The following PCNX2 variants were observed in gnomAD, a reference collection of about 807,000 sequenced individuals.
PCNX2 encodes the protein pecanex 2, also known as pecanex-like protein 2.
In PCNX2, 168 loss-of-function variants were observed where a neutral mutation model predicts 223.8. The observed-to-expected ratio is 0.75, with a 90% CI of 0.66 to 0.85. The LOEUF (loss-of-function observed/expected upper bound fraction) is 0.85. PCNX2 is among the 40% of genes least tolerant of loss of function. The probability of loss-of-function intolerance (pLI) is 0.00; values close to 1 mark genes in which losing one functional copy is unlikely to be tolerated. For missense variants in PCNX2, 2,507 were observed against 2,675.5 expected (o/e 0.94, Z 1.39); for synonymous variants, 1,006 against 1,052.6 (o/e 0.96, Z 0.86).
chr1:233,203,370 G>A (rs919726516), intron 13 of PCNX2, among the ~76,000 whole-genome samples: 4 of 152,206 alleles, frequency 2.6e-5, no homozygotes, highest in Non-Finnish European at 5.9e-5. Context: ...GTCTCAGACT[G>A]AGCACAGGAA....
intron 5 of PCNX2, among the ~76,000 whole-genome samples, chr1:233,256,177 TGAAAAAATTAAGAAGA>T (rs1659723598): frequency 6.6e-6 from 1 of 152,070 alleles, no homozygotes; most frequent in Non-Finnish European, 1.5e-5. Context: ...TGTGGCTGGC[TGAAAAAATTAAGAAGA>T]GCAAAAACTC....
At chr1:233,064,399 C>A (rs533789139) in intron 23 of PCNX2, among the ~76,000 whole-genome samples, 6 of 152,294 alleles carry the variant, frequency 3.9e-5, no homozygotes, top group African/African-American at 1.4e-4. Context: ...GACTTGTCCC[C>A]ACTCTTCCCT....
chr1:233,136,003 G>A (rs1424483394), intron 20 of PCNX2, among the ~76,000 whole-genome samples: 1 of 152,208 alleles, frequency 6.6e-6, no homozygotes, highest in Non-Finnish European at 1.5e-5. Context: ...GGGAGTATGT[G>A]TCATGTGTAC....
chr1:233,218,546 A>T (rs550960548), intron 10 of PCNX2, among the ~76,000 whole-genome samples: 2 of 152,106 alleles, frequency 1.3e-5, no homozygotes, highest in East Asian at 3.9e-4. Context: ...CACCGTGCCC[A>T]GCCAGTTTTG....
chr1:233,089,445 A>G (rs1673761319), intron 23 of PCNX2, among the ~76,000 whole-genome samples: 1 of 152,176 alleles, frequency 6.6e-6, no homozygotes, highest in Non-Finnish European at 1.5e-5. Flanking sequence ...CTTTACGGTT[A>G]TTTGGTGAAC....
At chr1:232,986,775 G>A (rs976239095) in intron 32 of PCNX2, among the ~76,000 whole-genome samples, 2 of 152,154 alleles carry the variant, frequency 1.3e-5, no homozygotes, top group Non-Finnish European at 2.9e-5. Flanking sequence ...TGGGGGCTGG[G>A]GTTGGGGGTA....
intron 28 of PCNX2, among the ~76,000 whole-genome samples, chr1:233,007,657 C>A (rs1327215986): frequency 6.6e-6 from 1 of 152,216 alleles, no homozygotes; most frequent in Non-Finnish European, 1.5e-5. Flanking sequence ...CGCACCTCAG[C>A]CTCCCGAGTA....
chr1:233,003,794 T>C lies in PCNX2; in HGVS notation c.4953-2113A>G, dbSNP rs565516146. ...TAGACTGGATAAAGAAAATGTGGCA[T>C]ATATACACCATGGAATACTATGAAG... On this transcript the variant is annotated intron_variant, in intron 28 of 33. Transcript: ENST00000258229. Among the ~76,000 whole-genome samples, 4 of 152,212 alleles carry C rather than the reference T, an allele frequency of 2.6e-5. No individual in the cohort carries two copies. The South Asian group carries it at 8.3e-4, about 32-fold the overall frequency.
chr1:233,146,214 G>A (rs541658439), intron 19 of PCNX2, among the ~76,000 whole-genome samples: 8 of 152,118 alleles, frequency 5.3e-5, no homozygotes, highest in Admixed American at 3.3e-4. Context: ...ACTTAAATAC[G>A]AATCTTCCCA....
At chr1:233,182,621 C>T (rs2102864881) in intron 15 of PCNX2, among the ~76,000 whole-genome samples, 1 of 152,286 alleles carries the variant, frequency 6.6e-6, no homozygotes, top group East Asian at 1.9e-4. Context: ...AGCATCCTTC[C>T]TCACATTTAG....
chr1:232,986,491 G>C lies in PCNX2; in HGVS notation c.5841C>G (p.Ser1947Arg). The C allele has an allele frequency of 1.9e-6, 3 of 1,586,152 alleles. No individual in the cohort carries two copies. Among genetic ancestry groups the C allele is most frequent in the Non-Finnish European group, 2.6e-6 (3 of 1,164,378 alleles). Residue 1947 changes from serine to arginine, a missense_variant, in exon 33 of 34, where the codon AGC becomes AGG. By Grantham distance (110) the Ser-to-Arg change is moderately radical. This residue lies in a region of PCNX2 where 1,372 missense variants were observed against 1,509.4 expected (regional missense o/e 0.91). Coordinates refer to ENST00000258229, the MANE Select transcript of PCNX2 (RefSeq NM_014801.4). ...SQSVQAHSAL[S>R]QRPPMLSSSG... ...ATGAGCTCAGCATGGGCGGCCTTTG[G>C]CTTAGCGCTGAGTGTGCCTGCACGG...
chr1:233,317,698 A>G, the PCNX2 span, among the ~76,000 whole-genome samples: 9 of 152,308 alleles, frequency 5.9e-5, no homozygotes, highest in African/African-American at 2.2e-4. Context: ...TATGCCTTCT[A>G]TTGAATTTTC....
intron 1 of PCNX2, among the ~76,000 whole-genome samples, chr1:233,266,464 C>T (rs1343106164): frequency 6.6e-6 from 1 of 152,168 alleles, no homozygotes; most frequent in Non-Finnish European, 1.5e-5. Flanking sequence ...TCCTCCAATT[C>T]CACATGCCCA....
intron 21 of PCNX2, among the ~76,000 whole-genome samples, chr1:233,131,603 C>G (rs1676510737): frequency 6.6e-6 from 1 of 152,146 alleles, no homozygotes; most frequent in Non-Finnish European, 1.5e-5. Flanking sequence ...TTCCAGAAAA[C>G]TCATTGTCAT....
intron 31 of PCNX2, among the ~76,000 whole-genome samples, chr1:232,998,733 A>T (rs1469130264): frequency 6.6e-6 from 1 of 152,220 alleles, no homozygotes; most frequent in African/African-American, 2.4e-5. Flanking sequence ...AATTCATCCC[A>T]ACTGATTACT....
At chr1:233,245,702 G>A (rs1446960563) in intron 8 of PCNX2, among the ~76,000 whole-genome samples, 1 of 152,136 alleles carries the variant, frequency 6.6e-6, no homozygotes, top group Non-Finnish European at 1.5e-5. Flanking sequence ...ATCACGAGGT[G>A]AGGAGATTGA....
chr1:233,321,055 C>T, the PCNX2 span, among the ~76,000 whole-genome samples: 4 of 116,252 alleles, frequency 3.4e-5, no homozygotes, highest in South Asian at 5.9e-4. Flanking sequence ...GAGTCTCGCT[C>T]TGTCGCCAGG....
chr1:233,066,691 G>C (rs1672624358), intron 23 of PCNX2, among the ~76,000 whole-genome samples: 1 of 152,188 alleles, frequency 6.6e-6, no homozygotes, highest in African/African-American at 2.4e-5. Flanking sequence ...AGCACGGCCT[G>C]CTGGGCTGAA....
Position 233,276,028 on chromosome 1 carries a change from CA to C in PCNX2, c.154-12866del, listed in dbSNP as rs201409126. 1.6e-3 allele frequency among the ~76,000 whole-genome samples: 196 copies of C among 125,076 alleles called. 1 individual carries two copies. The highest frequency in any genetic ancestry group is 5.1e-3 in the African/African-American group (186 of 36,192). The allele number at this position is 125,076 out of a possible 152,430, so 82.1% of individuals were successfully genotyped here. A position where few individuals can be genotyped will look rare whatever the true frequency, so the allele number is the denominator to read the frequency against. The stretch of plus-strand genomic sequence containing the variant: ...CCTGATGACTGAGCGAGACTGTCTC[CA>C]AAAAAAAAAGAAAAAATAGACAAGG... On this transcript the variant is annotated intron_variant, in intron 1 of 33. Coordinates refer to ENST00000258229, the MANE Select transcript of PCNX2 (RefSeq NM_014801.4).
Sources: gnomAD v4.1 joint callset for allele counts (sites outside exome capture counted in the v4.1 genomes callset) on GRCh38, gnomAD v4.1.1 for gene constraint, gnomAD v4.1.1 regional missense constraint, MANE v1.5 for transcripts, NCBI Gene and HGNC (gene_info 2026-07-23, HGNC 2026-07-21) for gene names.